RALYL: variants seen among roughly 807,000 people sequenced by gnomAD.
RALYL encodes the protein RALY RNA binding protein like.
Under a neutral mutation model 35.1 loss-of-function variants are expected in RALYL, and 29 were observed. The observed-to-expected ratio is 0.83, with a 90% CI of 0.61 to 1.13. RALYL has a LOEUF of 1.13. Ranked by LOEUF, RALYL falls within the 50% of genes most tolerant of loss-of-function variation. RALYL has a pLI of 0.00. For synonymous variants in RALYL, 120 were observed against 127.6 expected (o/e 0.94, Z 0.40); for missense variants, 359 against 360.4 (o/e 1.00, Z 0.03).
intron 2 of RALYL, among the ~76,000 whole-genome samples, chr8:84,648,830 A>T (rs1020542107): frequency 1.3e-5 from 2 of 151,004 alleles, no homozygotes; most frequent in Non-Finnish European, 3.0e-5. Context: ...TTTAAATAAT[A>T]CTATAATATC....
intron 3 of RALYL, among the ~76,000 whole-genome samples, chr8:84,803,666 G>A (rs1823891769): frequency 6.6e-6 from 1 of 152,192 alleles, no homozygotes; most frequent in Non-Finnish European, 1.5e-5. Context: ...CTGCCATTAT[G>A]ATTCACCCAA....
At chr8:84,639,703 C>A (rs966079417) in intron 2 of RALYL, among the ~76,000 whole-genome samples, 9 of 151,898 alleles carry the variant, frequency 5.9e-5, no homozygotes, top group Admixed American at 2.6e-4. Context: ...TGGTGTGATA[C>A]CTGCCCCTGG....
chr8:84,567,381 G>C (rs578068482), intron 2 of RALYL, among the ~76,000 whole-genome samples: 1 of 151,646 alleles, frequency 6.6e-6, no homozygotes, highest in Admixed American at 6.6e-5. Flanking sequence ...CCTTTTTGGA[G>C]TCCCCAGTGC....
intron 7 of RALYL, among the ~76,000 whole-genome samples, chr8:84,879,830 T>C (rs1364424148): frequency 6.6e-6 from 1 of 151,996 alleles, no homozygotes; most frequent in African/African-American, 2.4e-5. Flanking sequence ...ACTGGAGTGC[T>C]TCCTGTAGTG....
intron 1 of RALYL, among the ~76,000 whole-genome samples, chr8:84,279,440 C>A (rs1410773207): frequency 1.3e-5 from 2 of 152,030 alleles, no homozygotes; most frequent in Non-Finnish European, 2.9e-5. Flanking sequence ...ATTCAGAAAG[C>A]AGGAAATTTC....
At chr8:84,357,422 A>C (rs182702832) in intron 1 of RALYL, among the ~76,000 whole-genome samples, 3 of 152,106 alleles carry the variant, frequency 2.0e-5, no homozygotes, top group Non-Finnish European at 4.4e-5. Context: ...CTCTGTAATA[A>C]TTTCTCATTA....
intron 2 of RALYL, among the ~76,000 whole-genome samples, chr8:84,579,975 A>G (rs1158613078): frequency 2.0e-5 from 3 of 152,212 alleles, no homozygotes; most frequent in East Asian, 1.9e-4. Flanking sequence ...AATCAATATA[A>G]AAATTCAGAT....
chr8:84,464,728 A>G (rs529440251), intron 1 of RALYL, among the ~76,000 whole-genome samples: 1 of 151,976 alleles, frequency 6.6e-6, no homozygotes, highest in East Asian at 1.9e-4. Context: ...TGACTTCCAC[A>G]ATGGTTGAAC....
At chr8:84,353,866 C>G (rs1215034532) in intron 1 of RALYL, among the ~76,000 whole-genome samples, 2 of 149,546 alleles carry the variant, frequency 1.3e-5, no homozygotes, top group Non-Finnish European at 3.0e-5. Context: ...TGTCTTTGTT[C>G]CTCTTTGAAA....
At chr8:84,676,802 A>AT (rs35146557) in intron 2 of RALYL, among the ~76,000 whole-genome samples, 6,514 of 150,714 alleles carry the variant, frequency 0.043, 289 homozygotes, top group African/African-American at 0.11. Flanking sequence ...ATATTAAAAG[A>AT]TTTTTTTTTT....
chr8:84,645,027 G>A (rs1300898285), intron 2 of RALYL, among the ~76,000 whole-genome samples: 1 of 151,988 alleles, frequency 6.6e-6, no homozygotes, highest in African/African-American at 2.4e-5. Context: ...TAGGATTACA[G>A]GCATAAGCCA....
intron 2 of RALYL, among the ~76,000 whole-genome samples, chr8:84,620,310 T>G (rs974719179): frequency 6.6e-6 from 1 of 152,180 alleles, no homozygotes; most frequent in Non-Finnish European, 1.5e-5. Context: ...TTACTTTTTC[T>G]CTAAACTTCC....
chr8:84,245,491 G>A (rs982798111), intron 1 of RALYL, among the ~76,000 whole-genome samples: 14 of 152,042 alleles, frequency 9.2e-5, no homozygotes, highest in Non-Finnish European at 1.8e-4. Flanking sequence ...TCTGCTTGGG[G>A]GCCTTGATTC....
chr8:84,464,383 T>C (rs1433733921), intron 1 of RALYL, among the ~76,000 whole-genome samples: 5 of 151,276 alleles, frequency 3.3e-5, no homozygotes, highest in African/African-American at 9.7e-5. Flanking sequence ...TGAGTGAGAA[T>C]ATGCGGTGTT....
chr8:84,415,529 C>T (rs1387794569), intron 1 of RALYL, among the ~76,000 whole-genome samples: 2 of 125,538 alleles, frequency 1.6e-5, no homozygotes, highest in Non-Finnish European at 3.5e-5. Context: ...TGAGCCACCG[C>T]GCCCGGCCGA....
At chr8:84,387,352 G>C (rs1208254528) in intron 1 of RALYL, among the ~76,000 whole-genome samples, 1 of 151,802 alleles carries the variant, frequency 6.6e-6, no homozygotes, top group Non-Finnish European at 1.5e-5. Flanking sequence ...TCATCTTGTG[G>C]TTTGATTCAA....
chr8:84,813,980 A>G (rs1278307388), intron 4 of RALYL, among the ~76,000 whole-genome samples: 1 of 140,616 alleles, frequency 7.1e-6, no homozygotes, highest in African/African-American at 2.7e-5. Context: ...ATTCCCACCT[A>G]TGAGTGAGAA....
chr8:84,611,839 T>C (rs916884795), intron 2 of RALYL, among the ~76,000 whole-genome samples: 2 of 152,094 alleles, frequency 1.3e-5, no homozygotes, highest in Admixed American at 6.6e-5. Context: ...AAAAGCTTTG[T>C]TTTTATAGCC....
At chr8:84,202,679 G>A (rs1416203725) in intron 1 of RALYL, among the ~76,000 whole-genome samples, 2 of 152,036 alleles carry the variant, frequency 1.3e-5, no homozygotes, top group Non-Finnish European at 2.9e-5. Flanking sequence ...GCCCTGAAGG[G>A]ATTTTTAGAA....
Sources: gnomAD v4.1 joint callset for allele counts (sites outside exome capture counted in the v4.1 genomes callset) on GRCh38, gnomAD v4.1.1 for gene constraint, MANE v1.5 for transcripts, NCBI Gene and HGNC (gene_info 2026-07-23, HGNC 2026-07-21) for gene names.